Variants in SLC36A2 observed in about 807,000 individuals in gnomAD.
The protein encoded by SLC36A2 is solute carrier family 36 member 2.
SLC36A2 carries 39 observed loss-of-function variants against 42.7 expected under a neutral mutation model. The observed-to-expected ratio is 0.91, with a 90% CI of 0.71 to 1.19. The LOEUF (loss-of-function observed/expected upper bound fraction) is 1.19. Among genes scored for constraint, SLC36A2 ranks in the 50% most tolerant of loss-of-function variants. The probability of loss-of-function intolerance (pLI) is 0.00; values close to 1 mark genes in which losing one functional copy is unlikely to be tolerated. For synonymous variants in SLC36A2, 237 were observed against 240.8 expected, an observed-to-expected ratio of 0.98 and a Z score of 0.15; for missense variants, 590 against 613.7, an observed-to-expected ratio of 0.96 and a Z score of 0.41.
chr5:151,343,040 G>T, intron 3 of SLC36A2, 57 bp from the exon 4 acceptor site: 1 of 1,401,592 alleles, frequency 7.1e-7, no homozygotes, highest in Non-Finnish European at 1.0e-6. Context: ...AAACTCACAT[G>T]GTCAAAAGTC....
At chr5:151,338,675 C>CAAAAAGAAAAAA (rs1756227636) in intron 5 of SLC36A2, 1 of 182,276 alleles carries the variant, frequency 5.5e-6, no homozygotes, top group African/African-American at 5.7e-5. Context: ...TATCCTGTCT[C>CAAAAAGAAAAAA]AAAAAGAAAA....
intron 4 of SLC36A2, among the ~76,000 whole-genome samples, chr5:151,340,278 AAG>A (rs1300690901): frequency 2.6e-5 from 4 of 151,262 alleles, no homozygotes; most frequent in South Asian, 2.1e-4. Flanking sequence ...AAGAAGAACT[AAG>A]AGAAGAGGAA....
chr5:151,322,744 G>A (rs1755732079), intron 8 of SLC36A2, among the ~76,000 whole-genome samples: 1 of 152,186 alleles, frequency 6.6e-6, no homozygotes, highest in South Asian at 2.1e-4. Context: ...TTATAAATAG[G>A]GTTGTGTGGA....
At chr5:151,332,311 C>A (rs918570335) in intron 7 of SLC36A2, 1 of 412,326 alleles carries the variant, frequency 2.4e-6, no homozygotes, top group South Asian at 1.8e-5. Context: ...AACAAAAAGA[C>A]AAACAGCCTA....
At chr5:151,318,543 A>G (rs948982142) in intron 9 of SLC36A2, among the ~76,000 whole-genome samples, 186 of 123,416 alleles carry the variant, frequency 1.5e-3, no homozygotes, top group Admixed American at 4.7e-3. Context: ...ATTTATAAAT[A>G]TTTATTTATA....
At chr5:151,346,911 A>G (rs1429863747) in intron 1 of SLC36A2, among the ~76,000 whole-genome samples, 1 of 152,222 alleles carries the variant, frequency 6.6e-6, no homozygotes, top group African/African-American at 2.4e-5. Context: ...TTTTAAGCTC[A>G]GGACTCACCT....
In SLC36A2 at chr5:151,335,350, G is replaced by A; in HGVS notation, c.723C>T (p.Ile241=). 1 of 1,613,510 alleles carries A rather than the reference G, an allele frequency of 6.2e-7. No individual in the cohort carries two copies. Among genetic ancestry groups the A allele is most frequent in the Non-Finnish European group, 8.5e-7 (1 of 1,179,816 alleles). ...TCACCTGGGTAATGTACTGTATGAT[G>A]ATGACCAAGCTGACCAGCATGCTGA... is the stretch of plus-strand genomic sequence containing the variant. The part of the protein sequence containing the change: ...ANISMLVSLV[I]IIQYITQEIP... Residue 241 remains isoleucine (I), a synonymous_variant, in exon 6 of 10, where the codon ATC becomes ATT. Coordinates refer to ENST00000335244, the MANE Select transcript of SLC36A2 (RefSeq NM_181776.3).
chr5:151,322,083 C>T lies in SLC36A2; in HGVS notation c.1143G>A (p.Leu381=). The T allele has an allele frequency of 1.2e-6, 2 of 1,614,188 alleles. No individual in the cohort carries two copies. The highest frequency in any genetic ancestry group is 1.7e-6 in the Non-Finnish European group (2 of 1,180,032). ...SRVSTRWALP[L]DLSIRLVMVC... ...CCATGACGAGGCGAATGGACAGATC[C>T]AGAGGCAGTGCCCAGCGTGTTGACA... Residue 381 remains leucine, a synonymous_variant, in exon 9 of 10, where the codon CTG becomes CTA. Transcript: ENST00000335244.
At chr5:151,322,532 A>G (rs551810273) in intron 8 of SLC36A2, among the ~76,000 whole-genome samples, 7 of 152,210 alleles carry the variant, frequency 4.6e-5, no homozygotes, top group Non-Finnish European at 8.8e-5. Flanking sequence ...TAAAAAAGAG[A>G]GGCTCAGGCT....
intron 5 of SLC36A2, among the ~76,000 whole-genome samples, chr5:151,337,383 G>A (rs1193621953): frequency 6.6e-6 from 1 of 152,158 alleles, no homozygotes; most frequent in Non-Finnish European, 1.5e-5. Context: ...TTTGCACCCT[G>A]ACCTCACGTT....
At chr5:151,339,243 G>T in intron 4 of SLC36A2, 99 bp from the exon 5 acceptor site, 1 of 857,508 alleles carries the variant, frequency 1.2e-6, no homozygotes, top group Non-Finnish European at 1.9e-6. Flanking sequence ...CCAGGGATTG[G>T]TTGCCCTGTA....
chr5:151,336,780 T>G (rs1756171109), intron 5 of SLC36A2, among the ~76,000 whole-genome samples: 1 of 150,058 alleles, frequency 6.7e-6, no homozygotes, highest in African/African-American at 2.5e-5. Flanking sequence ...ATGACCTAAC[T>G]GATACAGTCT....
chr5:151,343,645 A>G (rs778788951), intron 2 of SLC36A2, 47 bp from the exon 3 acceptor site: 1 of 1,526,516 alleles, frequency 6.6e-7, no homozygotes, highest in Non-Finnish European at 9.1e-7. Context: ...AAGAGAATGC[A>G]TTTATGAAGA....
intron 2 of SLC36A2, 80 bp from the exon 3 acceptor site, chr5:151,343,678 G>A: frequency 7.7e-7 from 1 of 1,295,510 alleles, no homozygotes; most frequent in African/African-American, 1.5e-5. Flanking sequence ...GGGCTTGGTA[G>A]TGCTGATATC....
Position 151,344,201 on chromosome 5 carries a change from G to T in SLC36A2, c.231C>A (p.Leu77=). 6.2e-7 allele frequency: 1 copy of T among 1,614,162 alleles called. No homozygotes were observed. The highest frequency in any genetic ancestry group is 8.5e-7 in the Non-Finnish European group (1 of 1,180,016). ...CCAGGATGCCCGCGTTCTTCACAGC[G>T]AGGGGTAGTCCCAGGATCCCTGTGC... ...NMGTGILGLP[L]AVKNAGILMG... The change falls in exon 2 of 10, where the codon CTC becomes CTA. Residue 77 remains leucine, a synonymous_variant. Transcript: ENST00000335244.
intron 7 of SLC36A2, among the ~76,000 whole-genome samples, chr5:151,327,627 A>G (rs1375266733): frequency 6.6e-6 from 1 of 152,202 alleles, no homozygotes; most frequent in Non-Finnish European, 1.5e-5. Context: ...CAATAATTGT[A>G]TGGAGAGCAG....
intron 4 of SLC36A2, 32 bp downstream of exon 4, chr5:151,342,856 A>G: frequency 1.3e-6 from 2 of 1,577,708 alleles, no homozygotes; most frequent in Non-Finnish European, 1.7e-6. Flanking sequence ...CCTGTGTCCT[A>G]CCCCACTGCA....
chr5:151,347,269 A>G (rs1048202617), intron 1 of SLC36A2, 28 bp downstream of exon 1: 1 of 1,613,738 alleles, frequency 6.2e-7, no homozygotes, highest in African/African-American at 1.3e-5. Context: ...AGAAAGCAGA[A>G]ATAGGGATGG....
intron 7 of SLC36A2, among the ~76,000 whole-genome samples, chr5:151,326,678 C>T (rs1463039988): frequency 6.6e-6 from 1 of 152,204 alleles, no homozygotes; most frequent in Middle Eastern, 3.2e-3. Context: ...TAATTTCCTC[C>T]TCAGGCTCTT....
Sources: gnomAD v4.1 joint callset for allele counts (sites outside exome capture counted in the v4.1 genomes callset) on GRCh38, gnomAD v4.1.1 for gene constraint, MANE v1.5 for transcripts, NCBI Gene and HGNC (gene_info 2026-07-23, HGNC 2026-07-21) for gene names.